Variants in SNTG1 observed in about 807,000 individuals in gnomAD.
The protein encoded by SNTG1 is gamma-1-syntrophin.
In SNTG1, 39 loss-of-function variants were observed where a neutral mutation model predicts 74.7. That is an observed-to-expected ratio of 0.52 (90% CI 0.40 to 0.68). The LOEUF (loss-of-function observed/expected upper bound fraction) is 0.68, where lower values mean the gene tolerates loss of function less well. SNTG1 is among the 30% of genes least tolerant of loss of function. The probability of loss-of-function intolerance (pLI) is 0.00; values close to 1 mark genes in which losing one functional copy is unlikely to be tolerated. For missense variants in SNTG1, 685 were observed against 609.5 expected (o/e 1.12, Z -1.30); for synonymous variants, 254 against 217.1 (o/e 1.17, Z -1.49).
intron 2 of SNTG1, among the ~76,000 whole-genome samples, chr8:50,199,770 A>G (rs934115216): frequency 1.3e-5 from 2 of 152,158 alleles, no homozygotes; most frequent in Non-Finnish European, 2.9e-5. Flanking sequence ...AGCTGTTCCA[A>G]TCTTCCAGTG....
intron 8 of SNTG1, among the ~76,000 whole-genome samples, chr8:50,470,186 T>C (rs1257315619): frequency 6.6e-6 from 1 of 152,186 alleles, no homozygotes; most frequent in East Asian, 1.9e-4. Context: ...CTCTACAAAA[T>C]AGAATGTTAA....
intron 15 of SNTG1, among the ~76,000 whole-genome samples, chr8:50,667,541 T>G (rs1393753915): frequency 6.6e-6 from 1 of 151,964 alleles, no homozygotes; most frequent in Non-Finnish European, 1.5e-5. Flanking sequence ...GTCTTTTTCT[T>G]CTCTTTATAA....
At chr8:50,238,258 T>A (rs1447572564) in intron 2 of SNTG1, among the ~76,000 whole-genome samples, 1 of 152,182 alleles carries the variant, frequency 6.6e-6, no homozygotes, top group South Asian at 2.1e-4. Context: ...AAGGCTATTG[T>A]AAGCAAAATA....
chr8:50,391,310 C>T (rs901345654), intron 2 of SNTG1, among the ~76,000 whole-genome samples: 5 of 152,128 alleles, frequency 3.3e-5, no homozygotes, highest in Non-Finnish European at 7.4e-5. Context: ...AAGGTCTTTG[C>T]TGCATTTATT....
intron 12 of SNTG1, among the ~76,000 whole-genome samples, chr8:50,555,689 C>T (rs140631349): frequency 0.02 from 3,078 of 152,030 alleles, 118 homozygotes; most frequent in African/African-American, 0.069. Flanking sequence ...GAAATAAAAA[C>T]ATTGTGATAA....
chr8:49,964,448 A>T (rs916286682), intron 1 of SNTG1, among the ~76,000 whole-genome samples: 1 of 152,200 alleles, frequency 6.6e-6, no homozygotes, highest in Non-Finnish European at 1.5e-5. Flanking sequence ...CTCTCTCTCT[A>T]CATAGATAGC....
chr8:50,113,529 A>G (rs2080688997), intron 1 of SNTG1, among the ~76,000 whole-genome samples: 1 of 152,172 alleles, frequency 6.6e-6, no homozygotes, highest in Non-Finnish European at 1.5e-5. Context: ...TCATCTGCAA[A>G]CAGGGACAAT....
rs532976903 is a variant in SNTG1 at position 50,182,494 on chromosome 8, C to T, written c.-28+9859C>T. Among the ~76,000 whole-genome samples, 5 of 152,072 alleles carry T rather than the reference C, an allele frequency of 3.3e-5. 1 individual carries two copies. In the South Asian group the frequency reaches 1.0e-3, roughly 32 times the overall value. On this transcript the variant is annotated intron_variant, in intron 2 of 18. Coordinates refer to ENST00000642720, the MANE Select transcript of SNTG1 (RefSeq NM_018967.5). The stretch of plus-strand genomic sequence containing the variant: ...GTAAGCTGAAAGAGATAAATAGGTA[C>T]AAGATGCATGTTACTAAATAAAATA...
intron 1 of SNTG1, among the ~76,000 whole-genome samples, chr8:49,951,725 A>T (rs1265739397): frequency 6.6e-6 from 1 of 151,532 alleles, no homozygotes; most frequent in Non-Finnish European, 1.5e-5. Context: ...AACCTGCACA[A>T]TGTGCACATG....
chr8:50,548,134 C>T (rs751768122), intron 11 of SNTG1, among the ~76,000 whole-genome samples: 3 of 152,130 alleles, frequency 2.0e-5, no homozygotes, highest in South Asian at 2.1e-4. Context: ...GCCAGGGAAT[C>T]CTGCTATGCC....
rs201179925 is a variant in SNTG1 at position 50,751,472 on chromosome 8, AAT to A, written c.1285-526_1285-525del. Among the ~76,000 whole-genome samples the A allele has an allele frequency of 9.5e-4, 145 of 152,178 alleles. No individual in the cohort carries two copies. In the East Asian group the frequency reaches 0.022, roughly 23 times the overall value. On this transcript the variant is annotated intron_variant, in intron 17 of 18. Transcript: ENST00000642720. ...CTGCTTCAGAGAATTACATTTGTAG[AAT>A]ATGTTTCTGAAAGAGGCTCTACTTT...
Position 50,165,020 on chromosome 8 carries a change from C to T in SNTG1, c.-102-7541C>T, listed in dbSNP as rs533239475. Among the ~76,000 whole-genome samples the T allele has an allele frequency of 1.9e-4, 29 of 152,218 alleles. No individual in the cohort carries two copies. The South Asian group carries it at 3.7e-3, about 20-fold the overall frequency. On this transcript the variant is annotated intron_variant, in intron 1 of 18. Coordinates refer to ENST00000642720, the MANE Select transcript of SNTG1 (RefSeq NM_018967.5). ...TAACTCATAGAAACTATGCTTCCCC[C>T]TCCCCAGCAGGAAAAATAATCTTTC...
intron 2 of SNTG1, among the ~76,000 whole-genome samples, chr8:50,223,852 T>C (rs1181448493): frequency 6.6e-6 from 1 of 152,020 alleles, no homozygotes. Flanking sequence ...ATGCATTAGC[T>C]ACACAAAAAT....
intron 9 of SNTG1, among the ~76,000 whole-genome samples, chr8:50,524,604 C>T (rs1384460745): frequency 2.0e-5 from 3 of 151,924 alleles, no homozygotes; most frequent in African/African-American, 7.3e-5. Flanking sequence ...TGAATTTAGC[C>T]TGCCGCAAAT....
intron 1 of SNTG1, among the ~76,000 whole-genome samples, chr8:49,920,771 T>C (rs1806465163): frequency 6.6e-6 from 1 of 151,976 alleles, no homozygotes; most frequent in Non-Finnish European, 1.5e-5. Flanking sequence ...TGGACCAGAG[T>C]TGATTCTATT....
chr8:50,712,273 T>C (rs2095463745), intron 17 of SNTG1, among the ~76,000 whole-genome samples: 1 of 152,148 alleles, frequency 6.6e-6, no homozygotes, highest in Non-Finnish European at 1.5e-5. Context: ...AAATCATGTC[T>C]GTGGGTATCT....
chr8:50,236,882 G>A (rs1563780160), intron 2 of SNTG1, among the ~76,000 whole-genome samples: 1 of 151,992 alleles, frequency 6.6e-6, no homozygotes, highest in Non-Finnish European at 1.5e-5. Flanking sequence ...CTTTCTCTGG[G>A]TTATTTGGAA....
chr8:50,592,945 A>T (rs1394080862), intron 13 of SNTG1, among the ~76,000 whole-genome samples: 1 of 152,186 alleles, frequency 6.6e-6, no homozygotes, highest in Non-Finnish European at 1.5e-5. Context: ...ATAATTAGGA[A>T]AACTCACTGC....
chr8:50,691,181 G>T (rs184039295), intron 15 of SNTG1, among the ~76,000 whole-genome samples: 143 of 152,184 alleles, frequency 9.4e-4, no homozygotes, highest in African/African-American at 3.4e-3. Context: ...CAGCACATTG[G>T]TGGGTCTTGA....
Sources: gnomAD v4.1 joint callset for allele counts (sites outside exome capture counted in the v4.1 genomes callset) on GRCh38, gnomAD v4.1.1 for gene constraint, MANE v1.5 for transcripts, NCBI Gene and HGNC (gene_info 2026-07-23, HGNC 2026-07-21) for gene names.